Variants in MED12 observed in about 807,000 individuals in gnomAD.
MED12 encodes the protein mediator of RNA polymerase II transcription subunit 12.
A neutral mutation model predicts 177.7 loss-of-function variants in MED12; 10 were observed. The observed-to-expected ratio is 0.06, with a 90% CI of 0.03 to 0.10. The LOEUF (loss-of-function observed/expected upper bound fraction) is 0.10. Among genes scored for constraint, MED12 ranks in the 10% least tolerant of loss-of-function variants. The pLI is 1.00. For missense variants in MED12, 867 were observed against 1,780.8 expected (o/e 0.49, Z 9.23); for synonymous variants, 641 against 678.4 (o/e 0.94, Z 0.86).
At chrX:71,132,585 A>G in intron 31 of MED12, 47 bp downstream of exon 31, 1 of 1,145,083 alleles carries the variant, frequency 8.7e-7, no homozygotes. Context: ...TAGAAAGGAG[A>G]AGAGGCAGGC....
chrX:71,118,832 T>C lies in MED12; in HGVS notation c.78T>C (p.Pro26=), dbSNP rs1279241704. 1.7e-6 allele frequency: 2 copies of C among 1,208,552 alleles called. No individual in the cohort carries two copies. The highest frequency in any genetic ancestry group is 4.4e-5 in the Admixed American group (2 of 45,692). ...GGCTGGGGCCTCCCGATGTTTACCC[T>C]CAGGACCCCAAACAGAAGGAGGTGC... ...RPRLGPPDVY[P]QDPKQKEDEL... is the part of the protein sequence containing the mutation. The change falls in exon 1 of 45, where the codon CCT becomes CCC. Residue 26 remains proline, a synonymous_variant. Transcript: ENST00000374080.
chrX:71,132,685 G>A, intron 31 of MED12, 147 bp downstream of exon 31: 1 of 876,431 alleles, frequency 1.1e-6, no homozygotes, highest in African/African-American at 2.0e-5. Context: ...CAAGAGGCTA[G>A]ATCTTAAGAG....
At chrX:71,118,930 TG>T in intron 1 of MED12, 77 bp downstream of exon 1, 4 of 711,651 alleles carry the variant, frequency 5.6e-6, no homozygotes, top group Non-Finnish European at 7.6e-6. Flanking sequence ...CGGCTGGGAA[TG>T]GGGGGCGGGG....
At chrX:71,120,755 C>T (rs906465776) in intron 4 of MED12, among the ~76,000 whole-genome samples, 4 of 110,278 alleles carry the variant, frequency 3.6e-5, no homozygotes, top group African/African-American at 6.6e-5. Flanking sequence ...GGATTACAGG[C>T]GCCCACCACT....
chrX:71,137,071 A>G, intron 38 of MED12, 42 bp downstream of exon 38: 3 of 1,185,382 alleles, frequency 2.5e-6, no homozygotes, highest in Non-Finnish European at 3.4e-6. Flanking sequence ...ACCTACCTGT[A>G]CACTCCCCCT....
intron 30 of MED12, 83 bp from the exon 31 acceptor site, chrX:71,132,294 T>C: frequency 8.5e-7 from 1 of 1,180,279 alleles, no homozygotes; most frequent in East Asian, 3.0e-5. Flanking sequence ...GATGCCAGCA[T>C]GTCCATCAGG....
Position 71,137,343 on chromosome X carries a change from C to G in MED12, c.5708C>G (p.Pro1903Arg). The change falls in exon 39 of 45, where the codon CCT (proline) becomes CGT (arginine). Residue 1903 changes from proline (P) to arginine (R), a missense_variant. Pro to Arg is a moderately radical substitution (Grantham distance 103). Transcript: ENST00000374080. ...YKTSVYRQQQ[P>R]AVPQGQRLRQ... ...ACCTCTGTGTACCGGCAGCAGCAAC[C>G]TGCGGTGCCCCAAGGACAGCGCCTT... 2 of 1,211,725 alleles carry G rather than the reference C, an allele frequency of 1.7e-6. No individual in the cohort carries two copies. The highest frequency in any genetic ancestry group is 2.2e-6 in the Non-Finnish European group (2 of 895,492).
At chrX:71,127,189 G>C in intron 20 of MED12, 57 bp downstream of exon 20, 6 of 1,167,844 alleles carry the variant, frequency 5.1e-6, no homozygotes, top group Non-Finnish European at 6.9e-6. Flanking sequence ...GGTGGAAGTG[G>C]CCTGGGAAGA....
At position 71,118,667 on chromosome X, in the gene MED12, C is replaced by T; in HGVS notation, c.-88C>T. ...TCTCGGCCGCCGTCCTCTCAACCAC[C>T]GCCCCCCTTTTCGGCTCCCTCTCCC... On this transcript the variant is annotated 5_prime_UTR_variant, in exon 1 of 45. Coordinates refer to ENST00000374080, the MANE Select transcript of MED12 (RefSeq NM_005120.3). The T allele has an allele frequency of 4.6e-6, 4 of 869,795 alleles. No individual in the cohort carries two copies. The highest frequency in any genetic ancestry group is 6.6e-6 in the Non-Finnish European group (4 of 603,169). 71.7% of individuals were successfully genotyped at this position (869,795 alleles called of 1,213,427 possible). A position where few individuals can be genotyped will look rare whatever the true frequency, so the allele number is the denominator to read the frequency against.
chrX:71,122,639 T>C (rs1397626263), intron 9 of MED12, 32 bp downstream of exon 9: 20 of 1,198,076 alleles, frequency 1.7e-5, no homozygotes, highest in Admixed American at 2.2e-5. Context: ...ATAGGAAATA[T>C]GTTTGAGGAA....
At position 71,123,731 on chromosome X, in the gene MED12, C is replaced by A; in HGVS notation, c.1744+11C>A. ...AGGCTCCCATGCTGAGTACGGACCCCTACCACTCTCTAGTTACCTCTGCCT... is the reference window on the plus strand; with the variant it reads ...AGGCTCCCATGCTGAGTACGGACCCATACCACTCTCTAGTTACCTCTGCCT... On this transcript the variant is annotated intron_variant, in intron 12 of 44. Transcript: ENST00000374080. 1 of 1,183,628 alleles carries A rather than the reference C, an allele frequency of 8.4e-7. No individual in the cohort carries two copies. Among genetic ancestry groups the A allele is most frequent in the South Asian group, 1.9e-5 (1 of 53,951 alleles).
intron 30 of MED12, 73 bp downstream of exon 30, chrX:71,132,279 G>A (rs1280377094): frequency 1.7e-5 from 20 of 1,168,186 alleles, no homozygotes; most frequent in Admixed American, 8.8e-5. Context: ...TATCAGATGC[G>A]TGGAGATGCC....
In MED12 at chrX:71,125,647, T is replaced by A; in HGVS notation, c.2372-16T>A. On this transcript the variant is annotated splice_polypyrimidine_tract_variant and intron_variant, in intron 16 of 44. Transcript: ENST00000374080. Reference sequence around the variant, plus strand: ...AGTCCTTTTGAAACTTCCCCCCTCATTCCCCCCCTCTACAGACCAGCTTGC... The same window carrying A: ...AGTCCTTTTGAAACTTCCCCCCTCAATCCCCCCCTCTACAGACCAGCTTGC... 2.0e-6 allele frequency: 1 copy of A among 511,944 alleles called. No homozygotes were observed. The highest frequency in any genetic ancestry group is 7.3e-5 in the East Asian group (1 of 13,712). 42.2% of individuals were successfully genotyped at this position (511,944 alleles called of 1,213,427 possible). A position where few individuals can be genotyped will look rare whatever the true frequency, so the allele number is the denominator to read the frequency against.
intron 1 of MED12, 37 bp downstream of exon 1, chrX:71,118,890 G>A (rs1178986509): frequency 3.5e-6 from 4 of 1,144,439 alleles, no homozygotes; most frequent in South Asian, 3.7e-5. Flanking sequence ...GGGGCCGGGG[G>A]CACGCGGTCA....
At chrX:71,124,487 G>C (rs973934479) in intron 13 of MED12, 99 bp downstream of exon 13, 2 of 664,344 alleles carry the variant, frequency 3.0e-6, no homozygotes, top group African/African-American at 4.4e-5. Flanking sequence ...GGGGGAGGGG[G>C]GTAGTATTTT....
At chrX:71,140,898 G>C in intron 42 of MED12, 41 bp downstream of exon 42, 3 of 1,199,460 alleles carry the variant, frequency 2.5e-6, no homozygotes, top group Non-Finnish European at 3.4e-6. Context: ...GGAGCCCAGG[G>C]AGGAAGAGAG....
chrX:71,127,381 C>T lies in MED12; in HGVS notation c.2895C>T (p.Ser965=), dbSNP rs1060504496. The T allele has an allele frequency of 2.5e-6, 3 of 1,207,935 alleles. No individual in the cohort carries two copies. The Admixed American group carries it at 6.6e-5, about 26-fold the overall frequency. Residue 965 remains serine, a synonymous_variant, in exon 21 of 45, where the codon TCC becomes TCT. Transcript: ENST00000374080. ...ATGGGATGAACCGGTCCGATGGCTC[C>T]TCTGCAGAGCGCTGTATCCTTGCTT... ...VKHGMNRSDG[S]SAERCILAYL... is the part of the protein sequence containing the mutation.
intron 15 of MED12, 96 bp downstream of exon 15, chrX:71,125,242 T>G (rs1198619706): frequency 1.7e-6 from 2 of 1,191,765 alleles, no homozygotes; most frequent in African/African-American, 3.5e-5. Flanking sequence ...AGGATGTGGG[T>G]TGGGAAAGGG....
At position 71,136,669 on chromosome X, in the gene MED12, C is replaced by T; in HGVS notation, c.5400+14C>T. The T allele has an allele frequency of 8.3e-7, 1 of 1,206,805 alleles. No homozygotes were observed. ...ACCAAGACAGAGGTGAGCGCCTCCC[C>T]CGTGACAGTTCTCCCACAGCCTCTC... On this transcript the variant is annotated intron_variant, in intron 37 of 44. Coordinates refer to ENST00000374080, the MANE Select transcript of MED12 (RefSeq NM_005120.3).
Sources: allele counts gnomAD v4.1 joint callset (sites outside exome capture counted in the v4.1 genomes callset), GRCh38; gene constraint gnomAD v4.1.1; transcripts MANE v1.5; gene names NCBI Gene and HGNC (gene_info 2026-07-23, HGNC 2026-07-21).